Variants in ZNF146 observed in about 807,000 individuals in gnomAD.
ZNF146 encodes the protein zinc finger protein OZF.
In ZNF146, 9 loss-of-function variants were observed where a neutral mutation model predicts 22.2. The ratio of observed to expected loss-of-function variants is 0.41; its 90% confidence interval spans 0.24 to 0.71. The LOEUF is 0.71. Ranked by LOEUF, ZNF146 falls within the 30% of genes least tolerant of loss-of-function variation. The pLI is 0.34. For synonymous variants in ZNF146, 108 were observed against 119.2 expected (o/e 0.91, Z 0.61); for missense variants, 194 against 344.8 (o/e 0.56, Z 3.46).
intron 3 of ZNF146, among the ~76,000 whole-genome samples, chr19:36,234,866 G>A (rs1977579359): frequency 6.6e-6 from 1 of 152,130 alleles, no homozygotes; most frequent in East Asian, 1.9e-4. Flanking sequence ...TCATATGAAG[G>A]TGTGTCCAGT....
intron 3 of ZNF146, among the ~76,000 whole-genome samples, chr19:36,234,112 ATTTG>A (rs1241420210): frequency 6.6e-6 from 1 of 152,178 alleles, no homozygotes; most frequent in African/African-American, 2.4e-5. Context: ...GCCTTCAAGC[ATTTG>A]TTTAACAAAG....
At position 36,236,259 on chromosome 19, in the gene ZNF146, A is replaced by G; in HGVS notation, c.-182A>G. On this transcript the variant is annotated 5_prime_UTR_variant, in exon 4 of 4. It adds an upstream start codon to the 5' untranslated region. Coordinates refer to ENST00000443387, the MANE Select transcript of ZNF146 (RefSeq NM_007145.3). ...TTTCTAGAGAGAAAGCATTGAATAT[A>G]CTGAGTATGATAACATTTCCTCTCA... is the stretch of plus-strand genomic sequence containing the variant. The G allele has an allele frequency of 1.4e-6, 1 of 692,962 alleles. No individual in the cohort carries two copies. The highest frequency in any genetic ancestry group is 2.5e-5 in the South Asian group (1 of 40,362). 42.9% of individuals were successfully genotyped at this position (692,962 alleles called of 1,614,324 possible).
intron 1 of ZNF146, among the ~76,000 whole-genome samples, chr19:36,217,053 G>GTTTTT (rs1568427584): frequency 4.2e-5 from 3 of 71,822 alleles, no homozygotes; most frequent in African/African-American, 9.7e-5. Context: ...GCCAGTCCCT[G>GTTTTT]TCTTTTTTTT....
In ZNF146 at chr19:36,236,455, C is replaced by G; in HGVS notation, c.15C>G (p.Ser5Arg). Residue 5 changes from serine to arginine, a missense_variant, in exon 4 of 4, where the codon AGC (serine) becomes AGG (arginine). Coordinates refer to ENST00000443387, the MANE Select transcript of ZNF146 (RefSeq NM_007145.3). ...CTTCCATTCAGATGTCACACCTCAG[C>G]CAGCAGAGAATTTACAGTGGGGAAA... MSHL[S>R]QQRIYSGENP... 6.2e-7 allele frequency: 1 copy of G among 1,603,760 alleles called. No homozygotes were observed. The highest frequency in any genetic ancestry group is 1.1e-5 in the South Asian group (1 of 89,508).
intron 2 of ZNF146, among the ~76,000 whole-genome samples, chr19:36,225,946 T>C (rs1599971524): frequency 6.6e-6 from 1 of 151,708 alleles, no homozygotes; most frequent in Admixed American, 6.6e-5. Flanking sequence ...GATTTGAATT[T>C]TTTGCAGAGA....
intron 1 of ZNF146, among the ~76,000 whole-genome samples, chr19:36,217,296 CA>C (rs1167751920): frequency 6.6e-6 from 1 of 151,592 alleles, no homozygotes; most frequent in Non-Finnish European, 1.5e-5. Flanking sequence ...CTCTTGACCT[CA>C]AGTGATCGGC....
intron 2 of ZNF146, among the ~76,000 whole-genome samples, chr19:36,223,145 G>A (rs968603680): frequency 4.0e-5 from 6 of 151,576 alleles, no homozygotes; most frequent in South Asian, 2.1e-4. Flanking sequence ...GGCTGGGCGC[G>A]ATGGCTCACG....
Position 36,236,788 on chromosome 19 carries a change from C to G in ZNF146, c.348C>G (p.Ile116Met). Residue 116 changes from isoleucine to methionine, a missense_variant, in exon 4 of 4, where the codon ATC becomes ATG. Physicochemically the swap from Ile to Met is conservative, Grantham distance 10. This residue lies in a region of ZNF146 where 147 missense variants were observed against 300.1 expected (regional missense o/e 0.49). Coordinates refer to ENST00000443387, the MANE Select transcript of ZNF146 (RefSeq NM_007145.3). ...GKAFIQKSNLIRHQRTHTGEK... is the reference protein window; with the variant it reads ...GKAFIQKSNLMRHQRTHTGEK... ...CTTTCATTCAGAAGTCAAACCTCAT[C>G]AGACACCAGAGAACTCACACAGGAG... 1 of 1,614,108 alleles carries G rather than the reference C, an allele frequency of 6.2e-7. No individual in the cohort carries two copies. The highest frequency in any genetic ancestry group is 8.5e-7 in the Non-Finnish European group (1 of 1,180,020).
Position 36,236,829 on chromosome 19 carries a change from G to C in ZNF146, c.389G>C (p.Cys130Ser). ...RTHTGEKPFV[C>S]KECGKTFSGK... ...CACACAGGAGAGAAGCCCTTTGTAT[G>C]TAAGGAGTGTGGAAAAACCTTCAGT... is the stretch of plus-strand genomic sequence containing the variant. The change falls in exon 4 of 4, where the codon TGT becomes TCT. Residue 130 changes from cysteine to serine, a missense_variant. This residue lies in a region of ZNF146 where 147 missense variants were observed against 300.1 expected (regional missense o/e 0.49). Coordinates refer to ENST00000443387, the MANE Select transcript of ZNF146 (RefSeq NM_007145.3). 1 of 1,614,176 alleles carries C rather than the reference G, an allele frequency of 6.2e-7. No individual in the cohort carries two copies. The highest frequency in any genetic ancestry group is 8.5e-7 in the Non-Finnish European group (1 of 1,180,018).
At chr19:36,218,654 A>G (rs1357729672) in intron 2 of ZNF146, among the ~76,000 whole-genome samples, 1 of 151,780 alleles carries the variant, frequency 6.6e-6, no homozygotes, top group African/African-American at 2.4e-5. Context: ...TATTTTTAGT[A>G]GAGATGGGGT....
intron 3 of ZNF146, among the ~76,000 whole-genome samples, chr19:36,234,875 G>T (rs1285248300): frequency 6.6e-6 from 1 of 152,172 alleles, no homozygotes; most frequent in Non-Finnish European, 1.5e-5. Flanking sequence ...GGTGTGTCCA[G>T]TCCTTTGTTC....
At chr19:36,229,000 C>A (rs946867326) in intron 3 of ZNF146, among the ~76,000 whole-genome samples, 181 bp downstream of exon 3, 3 of 152,214 alleles carry the variant, frequency 2.0e-5, no homozygotes, top group Non-Finnish European at 4.4e-5. Flanking sequence ...TCTTCTTTCA[C>A]CAGATTCTAG....
intron 3 of ZNF146, among the ~76,000 whole-genome samples, chr19:36,232,305 T>C (rs968818429): frequency 6.6e-6 from 1 of 152,182 alleles, no homozygotes; most frequent in Non-Finnish European, 1.5e-5. Flanking sequence ...ATTCTACTTA[T>C]GTAGGTACTA....
At chr19:36,227,752 T>C (rs1296492430) in intron 2 of ZNF146, among the ~76,000 whole-genome samples, 1 of 152,236 alleles carries the variant, frequency 6.6e-6, no homozygotes, top group South Asian at 2.1e-4. Flanking sequence ...GGTGTGTCAC[T>C]GTGTTGCCCA....
intron 2 of ZNF146, among the ~76,000 whole-genome samples, chr19:36,221,636 A>G (rs1219617573): frequency 6.6e-6 from 1 of 152,156 alleles, no homozygotes; most frequent in African/African-American, 2.4e-5. Flanking sequence ...GAAGTAAGTA[A>G]TGCATTTCTG....
rs1156644325 is a variant in ZNF146, at chr19:36,236,892, T to C, written c.452T>C (p.Ile151Thr). 3 of 1,614,130 alleles carry C rather than the reference T, an allele frequency of 1.9e-6. No individual in the cohort carries two copies. Among genetic ancestry groups the C allele is most frequent in the South Asian group, 1.1e-5 (1 of 91,066 alleles). ...SNLTEHEKIHIGEKPFKCSEC... is the reference protein window; with the variant it reads ...SNLTEHEKIHTGEKPFKCSEC... Reference sequence around the variant, plus strand: ...CTTACTGAGCATGAGAAAATCCATATTGGAGAGAAGCCTTTTAAATGTAGT... The same window carrying C: ...CTTACTGAGCATGAGAAAATCCATACTGGAGAGAAGCCTTTTAAATGTAGT... Residue 151 changes from isoleucine (I) to threonine (T), a missense_variant, in exon 4 of 4, where the codon ATT becomes ACT. By Grantham distance (89) the Ile-to-Thr change is moderately conservative. Transcript: ENST00000443387.
At chr19:36,228,912 T>C (rs772947044) in intron 3 of ZNF146, 93 bp downstream of exon 3, 6 of 152,226 alleles carry the variant, frequency 3.9e-5, no homozygotes, top group African/African-American at 1.4e-4. Context: ...TGTAGACATA[T>C]AGAGTATTGC....
chr19:36,217,053 GTC>G (rs1568427587), intron 1 of ZNF146, among the ~76,000 whole-genome samples: 4 of 71,840 alleles, frequency 5.6e-5, no homozygotes, highest in African/African-American at 9.7e-5. Context: ...GCCAGTCCCT[GTC>G]TTTTTTTTTT....
At position 36,235,926 on chromosome 19, in the gene ZNF146, C is replaced by G. The variant is rs1977628730; in HGVS notation, c.-515C>G. The G allele has an allele frequency of 6.6e-6, 1 of 152,528 alleles. No homozygotes were observed. The highest frequency in any genetic ancestry group is 1.5e-5 in the Non-Finnish European group (1 of 68,324). The allele number at this position is 152,528 out of a possible 1,614,324, so 9.4% of individuals were successfully genotyped here. A position where few individuals can be genotyped will look rare whatever the true frequency, so the allele number is the denominator to read the frequency against. On this transcript the variant is annotated 5_prime_UTR_variant, in exon 4 of 4. Coordinates refer to ENST00000443387, the MANE Select transcript of ZNF146 (RefSeq NM_007145.3). ...AGGGACTTAGTTGGGAGCTTCTCTACCACAGCTTACTCCTTATGGTATTAA... is the reference window on the plus strand; with the variant it reads ...AGGGACTTAGTTGGGAGCTTCTCTAGCACAGCTTACTCCTTATGGTATTAA...
Sources: allele counts gnomAD v4.1 joint callset (sites outside exome capture counted in the v4.1 genomes callset), GRCh38; gene constraint gnomAD v4.1.1; regional missense constraint gnomAD v4.1.1; transcripts MANE v1.5; gene names NCBI Gene and HGNC (gene_info 2026-07-23, HGNC 2026-07-21).